Variants in AP3B1 observed in about 807,000 individuals in gnomAD.
AP3B1 encodes adaptor related protein complex 3 subunit beta 1, also known as AP-3 complex subunit beta-1.
Under a neutral mutation model 132.5 loss-of-function variants are expected in AP3B1, and 61 were observed. The ratio of observed to expected loss-of-function variants is 0.46; its 90% CI spans 0.37 to 0.57. The LOEUF is 0.57. AP3B1 is among the 20% of genes least tolerant of loss of function. AP3B1 has a pLI of 0.00. For synonymous variants in AP3B1, 388 were observed against 438.3 expected, an observed-to-expected ratio of 0.89 and a Z score of 1.43; for missense variants, 1,120 against 1,289.4, an observed-to-expected ratio of 0.87 and a Z score of 2.01.
chr5:78,219,911 T>C (rs1159832427), intron 6 of AP3B1, among the ~76,000 whole-genome samples: 1 of 152,154 alleles, frequency 6.6e-6, no homozygotes, highest in African/African-American at 2.4e-5. Context: ...ATCATCGTAA[T>C]AATGATCCCA....
chr5:78,267,724 C>T, intron 1 of AP3B1, 129 bp from the exon 2 acceptor site: 2 of 568,000 alleles, frequency 3.5e-6, no homozygotes, highest in East Asian at 3.4e-5. Context: ...AAGAAGGTGG[C>T]CATCTGCAGG....
chr5:78,097,616 G>A (rs1750920212), intron 21 of AP3B1, among the ~76,000 whole-genome samples: 1 of 137,822 alleles, frequency 7.3e-6, no homozygotes, highest in African/African-American at 2.7e-5. Flanking sequence ...GGGGGGGTCA[G>A]CCCCCTGCCC....
intron 7 of AP3B1, among the ~76,000 whole-genome samples, chr5:78,188,611 G>A (rs1580461966): frequency 6.6e-6 from 1 of 152,180 alleles, no homozygotes; most frequent in African/African-American, 2.4e-5. Flanking sequence ...AAATAGGAAT[G>A]CTTTTACACT....
intron 1 of AP3B1, among the ~76,000 whole-genome samples, chr5:78,293,643 T>C (rs1181222935): frequency 6.6e-6 from 1 of 152,196 alleles, no homozygotes; most frequent in Non-Finnish European, 1.5e-5. Flanking sequence ...TATTGCTTAG[T>C]AATGAAAGAT....
At chr5:78,226,528 A>G (rs1172648252) in intron 5 of AP3B1, among the ~76,000 whole-genome samples, 1 of 152,118 alleles carries the variant, frequency 6.6e-6, no homozygotes, top group African/African-American at 2.4e-5. Flanking sequence ...ACCTTTGTAT[A>G]TACATATATA....
At chr5:78,083,317 T>A (rs1390429562) in intron 22 of AP3B1, among the ~76,000 whole-genome samples, 1 of 152,240 alleles carries the variant, frequency 6.6e-6, no homozygotes, top group Admixed American at 6.5e-5. Flanking sequence ...CTTTAACTGT[T>A]TTATTCACTT....
intron 8 of AP3B1, among the ~76,000 whole-genome samples, chr5:78,178,629 AAAAC>A (rs1379755119): frequency 1.3e-5 from 2 of 152,266 alleles, no homozygotes; most frequent in Non-Finnish European, 2.9e-5. Flanking sequence ...TCAACAAAAC[AAAAC>A]AAACAAAGGG....
At chr5:78,263,973 T>G (rs1349794567) in intron 2 of AP3B1, among the ~76,000 whole-genome samples, 2 of 152,198 alleles carry the variant, frequency 1.3e-5, no homozygotes, top group Non-Finnish European at 2.9e-5. Flanking sequence ...CCTACAGTAT[T>G]CAGTACAGTA....
chr5:78,001,312 C>A (rs1746197560), downstream of AP3B1: 1 of 152,140 alleles, frequency 6.6e-6, no homozygotes, highest in Admixed American at 6.5e-5. Flanking sequence ...AAGCTCTGAG[C>A]AATAAGGCTA....
At chr5:78,096,181 T>G (rs533553584) in intron 21 of AP3B1, among the ~76,000 whole-genome samples, 1 of 152,302 alleles carries the variant, frequency 6.6e-6, no homozygotes, top group Admixed American at 6.5e-5. Context: ...TGGCTGGTTT[T>G]CGTATTTTTT....
intron 17 of AP3B1, among the ~76,000 whole-genome samples, chr5:78,117,692 C>T (rs1416787065): frequency 6.6e-6 from 1 of 152,094 alleles, no homozygotes; most frequent in Non-Finnish European, 1.5e-5. Flanking sequence ...ATATTAAATT[C>T]AGAAACATGC....
intron 17 of AP3B1, among the ~76,000 whole-genome samples, chr5:78,121,544 C>T (rs1752195626): frequency 6.6e-6 from 1 of 152,148 alleles, no homozygotes; most frequent in South Asian, 2.1e-4. Context: ...ATACAAACTA[C>T]CATCAGAGAA....
intron 2 of AP3B1, among the ~76,000 whole-genome samples, chr5:78,255,320 C>T (rs1056949542): frequency 6.6e-6 from 1 of 151,838 alleles, no homozygotes; most frequent in Non-Finnish European, 1.5e-5. Flanking sequence ...GATGAAAAAA[C>T]AAAACCCATT....
At chr5:78,065,021 C>T (rs147107500) in intron 22 of AP3B1, among the ~76,000 whole-genome samples, 1 of 152,104 alleles carries the variant, frequency 6.6e-6, no homozygotes, top group African/African-American at 2.4e-5. Context: ...CTGGGACTGA[C>T]TAGGTGGTTG....
At chr5:78,014,303 C>G (rs1010171782) in intron 26 of AP3B1, among the ~76,000 whole-genome samples, 1 of 152,076 alleles carries the variant, frequency 6.6e-6, no homozygotes, top group African/African-American at 2.4e-5. Context: ...TAGGCAACTA[C>G]GGATACAGTA....
intron 14 of AP3B1, among the ~76,000 whole-genome samples, chr5:78,144,173 GA>G (rs1249323790): frequency 6.6e-6 from 1 of 152,054 alleles, no homozygotes; most frequent in Non-Finnish European, 1.5e-5. Flanking sequence ...CTTTCATTAT[GA>G]AGCTCTGCTT....
intron 22 of AP3B1, among the ~76,000 whole-genome samples, chr5:78,088,747 G>A (rs542901752): frequency 6.6e-6 from 1 of 152,144 alleles, no homozygotes; most frequent in Non-Finnish European, 1.5e-5. Context: ...CATCTTAGGC[G>A]CAGCGTGCTT....
chr5:78,118,713 G>GGCCT (rs1232227786), intron 17 of AP3B1, among the ~76,000 whole-genome samples: 2 of 152,210 alleles, frequency 1.3e-5, no homozygotes, highest in Non-Finnish European at 2.9e-5. Flanking sequence ...AGCTCAAGGA[G>GGCCT]GCCTGCCTGC....
intron 8 of AP3B1, among the ~76,000 whole-genome samples, chr5:78,180,901 A>T (rs957827698): frequency 3.9e-5 from 6 of 152,062 alleles, no homozygotes; most frequent in Non-Finnish European, 7.4e-5. Flanking sequence ...TATTCTTCTA[A>T]AATATAAATG....
Sources: allele counts gnomAD v4.1 joint callset (sites outside exome capture counted in the v4.1 genomes callset), GRCh38; gene constraint gnomAD v4.1.1; transcripts MANE v1.5; gene names NCBI Gene and HGNC (gene_info 2026-07-23, HGNC 2026-07-21).